Variants in LINGO2 observed in about 807,000 individuals in gnomAD.
The protein encoded by LINGO2 is leucine-rich repeat and immunoglobulin-like domain-containing nogo receptor-interacting protein 2.
In LINGO2, 14 loss-of-function variants were observed where a neutral mutation model predicts 30.6. That is an observed-to-expected ratio of 0.46 (90% CI 0.30 to 0.72). LINGO2 has a LOEUF of 0.72. Among genes scored for constraint, LINGO2 ranks in the 30% least tolerant of loss-of-function variants. The probability of loss-of-function intolerance (pLI) is 0.07; values close to 1 mark genes in which losing one functional copy is unlikely to be tolerated. For synonymous variants in LINGO2, 317 were observed against 288.5 expected, an observed-to-expected ratio of 1.10 and a Z score of -1.00; for missense variants, 729 against 751.7, an observed-to-expected ratio of 0.97 and a Z score of 0.35.
the LINGO2 span, among the ~76,000 whole-genome samples, chr9:29,005,872 A>G: frequency 6.6e-6 from 1 of 151,904 alleles, no homozygotes; most frequent in African/African-American, 2.4e-5. Context: ...TAATTGTATT[A>G]TTGTTATTAT....
At chr9:28,741,550 A>G in the LINGO2 span, among the ~76,000 whole-genome samples, 7 of 151,950 alleles carry the variant, frequency 4.6e-5, no homozygotes, top group Admixed American at 1.3e-4. Context: ...TCTGGGATAT[A>G]CTTGAAGCCT....
the LINGO2 span, among the ~76,000 whole-genome samples, chr9:29,034,793 G>C: frequency 0.16 from 24,368 of 152,020 alleles, 2,185 homozygotes; most frequent in South Asian, 0.21. Flanking sequence ...TGACCCTGTG[G>C]TAAGTCCTTC....
chr9:28,864,645 C>T, the LINGO2 span, among the ~76,000 whole-genome samples: 1 of 57,598 alleles, frequency 1.7e-5, no homozygotes, highest in East Asian at 8.7e-4. Context: ...TTTATAGAAG[C>T]TCATGAACAT....
the LINGO2 span, among the ~76,000 whole-genome samples, chr9:28,802,055 T>C: frequency 6.6e-6 from 1 of 151,810 alleles, no homozygotes; most frequent in African/African-American, 2.4e-5. Context: ...ATTTGTAAAT[T>C]TTAAAATATA....
chr9:27,974,148 G>A (rs958138374), intron 5 of LINGO2, among the ~76,000 whole-genome samples: 5 of 152,106 alleles, frequency 3.3e-5, no homozygotes, highest in African/African-American at 7.2e-5. Flanking sequence ...GCGTGAACAC[G>A]CAGTTGGGAA....
chr9:28,804,565 A>AAAAACAAAAAC, the LINGO2 span, among the ~76,000 whole-genome samples: 4 of 86,040 alleles, frequency 4.6e-5, no homozygotes, highest in African/African-American at 1.8e-4. Flanking sequence ...AAACAAAAAC[A>AAAAACAAAAAC]AAAAAAAAAC....
chr9:28,642,596 TA>T (rs1221117171), intron 1 of LINGO2, among the ~76,000 whole-genome samples: 3 of 152,076 alleles, frequency 2.0e-5, no homozygotes, highest in African/African-American at 7.2e-5. Flanking sequence ...TCTACTTTCT[TA>T]AAAAAATAGT....
At chr9:28,891,907 A>C in the LINGO2 span, among the ~76,000 whole-genome samples, 2 of 151,654 alleles carry the variant, frequency 1.3e-5, no homozygotes, top group African/African-American at 4.8e-5. Context: ...AGTTTATATG[A>C]GTTTTCTATT....
At chr9:28,790,883 A>G in the LINGO2 span, among the ~76,000 whole-genome samples, 1 of 152,152 alleles carries the variant, frequency 6.6e-6, no homozygotes, top group Non-Finnish European at 1.5e-5. Context: ...TCAGGTACCC[A>G]CTGTGTAAAT....
At chr9:28,922,753 T>A in the LINGO2 span, among the ~76,000 whole-genome samples, 3 of 152,190 alleles carry the variant, frequency 2.0e-5, no homozygotes, top group Non-Finnish European at 4.4e-5. Context: ...TAGAAAAGGA[T>A]CTTGAGCTGT....
intron 4 of LINGO2, among the ~76,000 whole-genome samples, chr9:28,146,098 G>A (rs895023646): frequency 6.6e-6 from 1 of 152,152 alleles, no homozygotes; most frequent in Non-Finnish European, 1.5e-5. Context: ...TTCCCACTCA[G>A]CCTTGTGTGA....
chr9:28,008,138 A>G (rs1822360692), intron 5 of LINGO2, among the ~76,000 whole-genome samples: 1 of 152,140 alleles, frequency 6.6e-6, no homozygotes, highest in Non-Finnish European at 1.5e-5. Context: ...TGCAAAGGTG[A>G]GTGGGCTTTC....
the LINGO2 span, among the ~76,000 whole-genome samples, chr9:28,960,774 T>C: frequency 6.6e-6 from 1 of 150,542 alleles, no homozygotes; most frequent in Non-Finnish European, 1.5e-5. Context: ...CAAAAATATG[T>C]TTATATAAAA....
the LINGO2 span, among the ~76,000 whole-genome samples, chr9:29,004,795 A>C: frequency 6.6e-6 from 1 of 151,850 alleles, no homozygotes; most frequent in Non-Finnish European, 1.5e-5. Flanking sequence ...AGAAATCAAA[A>C]CAATGATTAA....
At chr9:28,546,675 C>T (rs1251004444) in intron 1 of LINGO2, among the ~76,000 whole-genome samples, 8 of 152,046 alleles carry the variant, frequency 5.3e-5, no homozygotes, top group African/African-American at 1.9e-4. Context: ...TTCTGGAATT[C>T]TAGTTTCTGT....
intron 4 of LINGO2, among the ~76,000 whole-genome samples, chr9:28,104,012 G>A (rs1485319768): frequency 6.6e-6 from 1 of 151,948 alleles, no homozygotes; most frequent in Non-Finnish European, 1.5e-5. Flanking sequence ...GCTACCCACT[G>A]TAACCTCTTT....
At chr9:28,180,004 CA>C (rs1320505020) in intron 4 of LINGO2, among the ~76,000 whole-genome samples, 1 of 152,018 alleles carries the variant, frequency 6.6e-6, no homozygotes, top group African/African-American at 2.4e-5. Context: ...ACCACTGCCT[CA>C]AAAGTCTGTA....
chr9:28,561,749 G>GTGTGTGTGTATATA (rs772157537), intron 1 of LINGO2, among the ~76,000 whole-genome samples: 1 of 48,754 alleles, frequency 2.1e-5, no homozygotes, highest in South Asian at 6.5e-4. Context: ...GTGTGTGTGT[G>GTGTGTGTGTATATA]TATATATATA....
chr9:29,163,955 A>C, the LINGO2 span, among the ~76,000 whole-genome samples: 2 of 152,116 alleles, frequency 1.3e-5, no homozygotes, highest in Non-Finnish European at 2.9e-5. Flanking sequence ...TACCTCACCC[A>C]ACAAAGTATG....
Sources: gnomAD v4.1 joint callset for allele counts (sites outside exome capture counted in the v4.1 genomes callset) on GRCh38, gnomAD v4.1.1 for gene constraint, MANE v1.5 for transcripts, NCBI Gene and HGNC (gene_info 2026-07-23, HGNC 2026-07-21) for gene names.